The following EYS variants were observed in gnomAD, a reference collection of about 807,000 sequenced individuals.
The protein encoded by EYS is protein eyes shut homolog.
In EYS, 250 loss-of-function variants were observed where a neutral mutation model predicts 282.1. The ratio of observed to expected loss-of-function variants is 0.89; its 90% confidence interval spans 0.80 to 0.98. EYS has a LOEUF of 0.98. Ranked by LOEUF, EYS falls within the 50% of genes least tolerant of loss-of-function variation. The pLI, the probability that EYS is intolerant of heterozygous loss-of-function variation, is 0.00. For missense variants in EYS, 4,016 were observed against 3,709.0 expected, an observed-to-expected ratio of 1.08 and a Z score of -2.15; for synonymous variants, 1,355 against 1,282.9, an observed-to-expected ratio of 1.06 and a Z score of -1.20.
intron 26 of EYS, among the ~76,000 whole-genome samples, chr6:64,542,006 A>G (rs1017363869): frequency 1.3e-5 from 2 of 152,300 alleles, no homozygotes; most frequent in Middle Eastern, 3.4e-3. Context: ...CATTTTAAAA[A>G]GTGTCATTAC....
At chr6:65,112,606 T>A (rs1775243933) in intron 12 of EYS, among the ~76,000 whole-genome samples, 2 of 152,190 alleles carry the variant, frequency 1.3e-5, no homozygotes, top group African/African-American at 4.8e-5. Flanking sequence ...TATGCTTACA[T>A]CAAGTTAATG....
At chr6:65,341,412 A>C (rs1770196446) in intron 10 of EYS, among the ~76,000 whole-genome samples, 1 of 151,180 alleles carries the variant, frequency 6.6e-6, no homozygotes, top group African/African-American at 2.4e-5. Flanking sequence ...TAATTGGCAT[A>C]ATTTCTCAAA....
chr6:65,199,277 T>C (rs2150244872), intron 12 of EYS, among the ~76,000 whole-genome samples: 1 of 152,232 alleles, frequency 6.6e-6, no homozygotes, highest in East Asian at 1.9e-4. Context: ...TGAGTGGGCT[T>C]CCACTGCAAA....
rs188634407 is a variant in EYS, at chr6:64,175,499, C to T, written c.6424+55093G>A. ...TGCCCAACTGCTTCGTGAGAGCGTA[C>T]GTAAATTATTACTTCTCCAGATAGT... On this transcript the variant is annotated intron_variant, in intron 31 of 42. Coordinates refer to ENST00000503581, the MANE Select transcript of EYS (RefSeq NM_001142800.2). Among the ~76,000 whole-genome samples, 9 of 152,260 alleles carry T rather than the reference C, an allele frequency of 5.9e-5. No individual in the cohort carries two copies. In the East Asian group the frequency reaches 1.2e-3, roughly 20 times the overall value.
At chr6:65,507,941 T>A (rs1434912732) in intron 2 of EYS, among the ~76,000 whole-genome samples, 1 of 152,218 alleles carries the variant, frequency 6.6e-6, no homozygotes, top group African/African-American at 2.4e-5. Flanking sequence ...TTGGTTCTGA[T>A]GATTACTTTG....
chr6:64,475,276 G>A lies in EYS; in HGVS notation c.5645-35924C>T, dbSNP rs1776226221. On this transcript the variant is annotated intron_variant, in intron 26 of 42. Transcript: ENST00000503581. ...ATAGTAAATGAAAAGAAAAGGCCGG[G>A]CGCGGTGGCTCACGCCTGTAATCCC... 2.8e-5 allele frequency among the ~76,000 whole-genome samples: 2 copies of A among 71,072 alleles called. 1 individual carries two copies. The highest frequency in any genetic ancestry group is 6.7e-5 in the Non-Finnish European group (2 of 29,976). The allele number at this position is 71,072 out of a possible 152,430, so 46.6% of individuals were successfully genotyped here.
intron 32 of EYS, among the ~76,000 whole-genome samples, chr6:64,074,337 A>T (rs533192433): frequency 6.6e-6 from 1 of 151,230 alleles, no homozygotes; most frequent in South Asian, 2.1e-4. Context: ...ATATATAATT[A>T]GTCTTATAAA....
intron 12 of EYS, among the ~76,000 whole-genome samples, chr6:65,152,836 T>C (rs951358171): frequency 6.6e-6 from 1 of 151,566 alleles, no homozygotes; most frequent in African/African-American, 2.4e-5. Flanking sequence ...CATTAAAATA[T>C]AAATAAATAT....
At chr6:65,273,792 C>G (rs1767968521) in intron 12 of EYS, among the ~76,000 whole-genome samples, 1 of 152,140 alleles carries the variant, frequency 6.6e-6, no homozygotes, top group Non-Finnish European at 1.5e-5. Flanking sequence ...CTTATAAAAA[C>G]CCCACTCTGT....
intron 1 of EYS, among the ~76,000 whole-genome samples, chr6:65,700,716 G>A (rs1335870741): frequency 6.6e-6 from 1 of 152,068 alleles, no homozygotes; most frequent in Non-Finnish European, 1.5e-5. Flanking sequence ...GCAACACAAA[G>A]CCCATTTCAT....
intron 12 of EYS, among the ~76,000 whole-genome samples, chr6:65,263,706 TG>T (rs1458770649): frequency 5.4e-5 from 7 of 128,868 alleles, no homozygotes; most frequent in African/African-American, 2.4e-4. Context: ...GGCAAAGCTG[TG>T]TGTGTGTGTG....
chr6:64,573,797 G>C (rs908698014), intron 26 of EYS, among the ~76,000 whole-genome samples: 11 of 152,172 alleles, frequency 7.2e-5, no homozygotes, highest in Non-Finnish European at 1.5e-4. Flanking sequence ...CGAAGTTGTG[G>C]AGAAACAGGA....
intron 12 of EYS, among the ~76,000 whole-genome samples, chr6:65,178,902 C>G (rs1454338626): frequency 1.3e-4 from 20 of 151,844 alleles, no homozygotes; most frequent in Non-Finnish European, 2.7e-4. Context: ...TCAGGATTAA[C>G]AAACTCACTC....
intron 13 of EYS, among the ~76,000 whole-genome samples, chr6:65,045,060 T>G (rs568110276): frequency 4.6e-5 from 7 of 151,950 alleles, no homozygotes; most frequent in Non-Finnish European, 7.4e-5. Context: ...TTCTGGTAAC[T>G]CTTTAGTGCC....
intron 41 of EYS, among the ~76,000 whole-genome samples, chr6:63,756,519 T>A (rs1769488574): frequency 6.6e-6 from 1 of 152,158 alleles, no homozygotes. Context: ...GCTCCTGGAT[T>A]TAGTTTGCCA....
At chr6:64,184,671 C>A (rs1226261554) in intron 31 of EYS, among the ~76,000 whole-genome samples, 1 of 152,044 alleles carries the variant, frequency 6.6e-6, no homozygotes, top group Non-Finnish European at 1.5e-5. Flanking sequence ...CACTGAAAAT[C>A]ATTTCTAGGA....
intron 22 of EYS, among the ~76,000 whole-genome samples, chr6:64,792,856 A>ATGTGTGTGTGTGTGTG (rs758915162): frequency 7.3e-4 from 52 of 70,976 alleles, no homozygotes; most frequent in East Asian, 2.2e-3. Context: ...CGATCTTGAC[A>ATGTGTGTGTGTGTGTG]CGTGTGTGTG....
chr6:65,212,035 G>A (rs1766188720), intron 12 of EYS, among the ~76,000 whole-genome samples: 1 of 151,654 alleles, frequency 6.6e-6, no homozygotes, highest in African/African-American at 2.4e-5. Flanking sequence ...TTACTGTGAA[G>A]CAAGGAAAAC....
chr6:65,171,784 A>C (rs1388174885), intron 12 of EYS, among the ~76,000 whole-genome samples: 1 of 151,514 alleles, frequency 6.6e-6, no homozygotes, highest in East Asian at 2.0e-4. Context: ...ATTTTTTAAA[A>C]TGTTTCTTGA....
Sources: gnomAD v4.1 joint callset for allele counts (sites outside exome capture counted in the v4.1 genomes callset) on GRCh38, gnomAD v4.1.1 for gene constraint, MANE v1.5 for transcripts, NCBI Gene and HGNC (gene_info 2026-07-23, HGNC 2026-07-21) for gene names.